The following NAALADL2 variants were observed in gnomAD, a reference collection of about 807,000 sequenced individuals.
NAALADL2 encodes N-acetylated alpha-linked acidic dipeptidase like 2, also known as inactive N-acetylated-alpha-linked acidic dipeptidase-like protein 2.
A neutral mutation model predicts 87.2 loss-of-function variants in NAALADL2; 76 were observed. That is an observed-to-expected ratio of 0.87 (90% CI 0.72 to 1.05). The LOEUF is 1.05. NAALADL2 is among the 50% of genes least tolerant of loss of function. NAALADL2 has a pLI of 0.00. For missense variants in NAALADL2, 1,089 were observed against 945.8 expected, an observed-to-expected ratio of 1.15 and a Z score of -1.99; for synonymous variants, 354 against 331.0, an observed-to-expected ratio of 1.07 and a Z score of -0.75.
intron 13 of NAALADL2, among the ~76,000 whole-genome samples, chr3:175,769,393 G>A (rs1482869603): frequency 6.6e-6 from 1 of 152,164 alleles, no homozygotes; most frequent in Non-Finnish European, 1.5e-5. Context: ...TTCCTTTAAG[G>A]TAGCTAAATA....
chr3:175,797,247 A>G (rs1440391507), intron 13 of NAALADL2, among the ~76,000 whole-genome samples: 4 of 152,166 alleles, frequency 2.6e-5, no homozygotes, highest in African/African-American at 9.6e-5. Flanking sequence ...AAATTGTTAC[A>G]GATGAGGGAA....
chr3:175,675,942 G>A (rs987408406), intron 11 of NAALADL2: 5 of 151,904 alleles, frequency 3.3e-5, no homozygotes, highest in Non-Finnish European at 7.4e-5. Flanking sequence ...TTGTTTATAT[G>A]GTATATTGAA....
At chr3:174,564,551 A>G (rs181482438) in intron 2 of NAALADL2, among the ~76,000 whole-genome samples, 148 of 152,278 alleles carry the variant, frequency 9.7e-4, no homozygotes, top group African/African-American at 3.3e-3. Flanking sequence ...CATTTCTATA[A>G]CTGTTAATTT....
At chr3:174,775,112 TA>T (rs1330633429) in intron 3 of NAALADL2, among the ~76,000 whole-genome samples, 1 of 152,110 alleles carries the variant, frequency 6.6e-6, no homozygotes, top group Non-Finnish European at 1.5e-5. Flanking sequence ...AGTATATATA[TA>T]CATATATATG....
At chr3:175,405,189 C>T (rs1030162543) in intron 5 of NAALADL2, among the ~76,000 whole-genome samples, 1 of 152,086 alleles carries the variant, frequency 6.6e-6, no homozygotes, top group Non-Finnish European at 1.5e-5. Flanking sequence ...ATCTTTTAAA[C>T]ATAAAGTTAA....
chr3:175,199,853 TATATATA>T (rs1560153750), intron 2 of NAALADL2, among the ~76,000 whole-genome samples: 1 of 22,226 alleles, frequency 4.5e-5, no homozygotes, highest in Non-Finnish European at 7.9e-5. Flanking sequence ...TATATATATA[TATATATA>T]TATATTTTTT....
chr3:174,508,048 G>A lies in NAALADL2; in HGVS notation c.-183-42521G>A, dbSNP rs543458795. ...CTAGCAATGTATGAGAATTCTAGGT[G>A]TTTCACATGCTTGCCAACACTTAGT... On this transcript the variant is annotated intron_variant, in intron 1 of 3. Coordinates refer to the NAALADL2 transcript ENST00000434257. 1.3e-3 allele frequency among the ~76,000 whole-genome samples: 196 copies of A among 147,460 alleles called. 1 individual carries two copies. The highest frequency in any genetic ancestry group is 4.5e-3 in the African/African-American group (178 of 39,920).
At chr3:174,490,958 T>G (rs1013105022) in intron 1 of NAALADL2, among the ~76,000 whole-genome samples, 1 of 152,120 alleles carries the variant, frequency 6.6e-6, no homozygotes, top group Non-Finnish European at 1.5e-5. Context: ...ATAACATACT[T>G]TAAGAGTATT....
At chr3:175,032,495 G>A (rs568304045) in intron 1 of NAALADL2, among the ~76,000 whole-genome samples, 2 of 151,868 alleles carry the variant, frequency 1.3e-5, no homozygotes, top group Non-Finnish European at 2.9e-5. Context: ...CCACATTAAA[G>A]TGTCAATACA....
intron 5 of NAALADL2, among the ~76,000 whole-genome samples, chr3:175,416,928 A>G (rs1714737776): frequency 6.6e-6 from 1 of 151,946 alleles, no homozygotes; most frequent in Non-Finnish European, 1.5e-5. Flanking sequence ...GTGACTATAT[A>G]TTATCTTTGA....
At chr3:175,497,432 G>C (rs1458897014) in intron 9 of NAALADL2, among the ~76,000 whole-genome samples, 3 of 152,174 alleles carry the variant, frequency 2.0e-5, no homozygotes, top group Non-Finnish European at 4.4e-5. Context: ...CTTACTAAGT[G>C]TGAAAACCTC....
intron 2 of NAALADL2, among the ~76,000 whole-genome samples, chr3:174,677,917 A>T (rs780330345): frequency 5.9e-5 from 9 of 152,118 alleles, no homozygotes; most frequent in African/African-American, 9.7e-5. Flanking sequence ...TGTATCAATA[A>T]ATAGACTACA....
intron 5 of NAALADL2, among the ~76,000 whole-genome samples, chr3:175,428,769 C>T (rs1251077122): frequency 1.3e-5 from 2 of 152,042 alleles, no homozygotes; most frequent in Admixed American, 6.6e-5. Flanking sequence ...GCTTCCAATC[C>T]ATTCTCTGAT....
At chr3:175,017,629 G>A (rs1751019634) in intron 1 of NAALADL2, among the ~76,000 whole-genome samples, 1 of 152,086 alleles carries the variant, frequency 6.6e-6, no homozygotes, top group Non-Finnish European at 1.5e-5. Flanking sequence ...TGATTTCAAA[G>A]CCCTGCATGA....
intron 11 of NAALADL2, among the ~76,000 whole-genome samples, chr3:175,695,870 T>C (rs571481613): frequency 1.1e-4 from 16 of 152,124 alleles, no homozygotes; most frequent in Non-Finnish European, 2.1e-4. Context: ...ATAATTAGCC[T>C]GGGCGTGCTT....
intron 2 of NAALADL2, among the ~76,000 whole-genome samples, chr3:175,143,586 A>C (rs1025435908): frequency 6.6e-6 from 1 of 151,026 alleles, no homozygotes; most frequent in African/African-American, 2.4e-5. Flanking sequence ...TGAAACTACC[A>C]TCACATTTAA....
At chr3:175,154,538 T>A (rs1335405304) in intron 2 of NAALADL2, among the ~76,000 whole-genome samples, 3 of 152,078 alleles carry the variant, frequency 2.0e-5, no homozygotes, top group African/African-American at 7.2e-5. Context: ...TAAATTATTA[T>A]CTGAAAAACA....
chr3:175,733,456 C>T (rs1198075710), intron 11 of NAALADL2, among the ~76,000 whole-genome samples: 3 of 152,104 alleles, frequency 2.0e-5, no homozygotes, highest in Non-Finnish European at 2.9e-5. Flanking sequence ...GGGAAAGACC[C>T]GCTCCCATGA....
intron 1 of NAALADL2, among the ~76,000 whole-genome samples, chr3:174,977,857 C>T (rs73881583): frequency 1.5e-3 from 226 of 152,230 alleles, no homozygotes; most frequent in African/African-American, 5.3e-3. Context: ...AGAAAACTGT[C>T]CTGGGGACTG....
Sources: gnomAD v4.1 joint callset for allele counts (sites outside exome capture counted in the v4.1 genomes callset) on GRCh38, gnomAD v4.1.1 for gene constraint, MANE v1.5 for transcripts, NCBI Gene and HGNC (gene_info 2026-07-23, HGNC 2026-07-21) for gene names.